The following LGALS9 variants were observed in gnomAD, a reference collection of about 807,000 sequenced individuals.
LGALS9 encodes galectin-9.
LGALS9 carries 26 observed loss-of-function variants against 35.9 expected under a neutral mutation model. The ratio of observed to expected loss-of-function variants is 0.72; its 90% CI spans 0.53 to 1.01. The LOEUF (loss-of-function observed/expected upper bound fraction) is 1.01, where lower values mean the gene tolerates loss of function less well. Among genes scored for constraint, LGALS9 ranks in the 50% least tolerant of loss-of-function variants. The pLI, the probability that LGALS9 is intolerant of heterozygous loss-of-function variation, is 0.00. For missense variants in LGALS9, 347 were observed against 445.8 expected, an observed-to-expected ratio of 0.78 and a Z score of 1.99; for synonymous variants, 149 against 172.2, an observed-to-expected ratio of 0.87 and a Z score of 1.06.
chr17:27,640,542 C>T (rs775329600), intron 2 of LGALS9, 30 bp from the exon 3 acceptor site: 16 of 1,613,628 alleles, frequency 9.9e-6, no homozygotes, highest in Middle Eastern at 1.7e-4. Context: ...ATCCATGCCA[C>T]AGAAGACTAT....
intron 2 of LGALS9, among the ~76,000 whole-genome samples, chr17:27,639,801 A>G (rs561877818): frequency 6.6e-5 from 10 of 152,248 alleles, no homozygotes; most frequent in African/African-American, 1.2e-4. Flanking sequence ...CTGTGGCGCT[A>G]TCTGGGCTCA....
intron 7 of LGALS9, 131 bp from the exon 8 acceptor site, chr17:27,646,416 G>A (rs544768090): frequency 3.4e-5 from 47 of 1,401,592 alleles, no homozygotes; most frequent in Non-Finnish European, 4.0e-5. Flanking sequence ...GTAGACGGGC[G>A]AGTCCAAGGG....
intron 6 of LGALS9, 76 bp from the exon 7 acceptor site, chr17:27,645,785 C>A: frequency 8.1e-7 from 1 of 1,233,454 alleles, no homozygotes; most frequent in Non-Finnish European, 1.2e-6. Flanking sequence ...GGGTGCCTGC[C>A]GTGTGGCGCC....
chr17:27,640,717 T>C lies in LGALS9; in HGVS notation c.277T>C (p.Phe93Leu), dbSNP rs1904408358. The change falls in exon 3 of 11, where the codon TTC (phenylalanine) becomes CTC (leucine). Residue 93 changes from phenylalanine to leucine, a missense_variant. Phe to Leu is a conservative substitution (Grantham distance 22). Coordinates refer to ENST00000395473, the MANE Select transcript of LGALS9 (RefSeq NM_009587.3). ...GPEERKTHMPFQKGMPFDLCF... is the reference protein window; with the variant it reads ...GPEERKTHMPLQKGMPFDLCF... ...CGAGGAGAGGAAGACACACATGCCT[T>C]TCCAGAAGGGGATGCCCTTTGACCT... 1 of 1,614,068 alleles carries C rather than the reference T, an allele frequency of 6.2e-7. No individual in the cohort carries two copies. Among genetic ancestry groups the C allele is most frequent in the South Asian group, 1.1e-5 (1 of 91,088 alleles).
chr17:27,645,206 C>A, intron 5 of LGALS9, 108 bp from the exon 6 acceptor site: 1 of 1,589,188 alleles, frequency 6.3e-7, no homozygotes, highest in South Asian at 1.1e-5. Flanking sequence ...TGGGTGTGTC[C>A]GGGGAGGCAT....
chr17:27,643,286 C>T (rs1904655612), intron 4 of LGALS9, among the ~76,000 whole-genome samples: 2 of 152,152 alleles, frequency 1.3e-5, no homozygotes, highest in South Asian at 4.1e-4. Flanking sequence ...CTCATTCCCT[C>T]CTTCCCTGAC....
intron 5 of LGALS9, chr17:27,644,047 G>A: frequency 6.0e-6 from 1 of 166,570 alleles, no homozygotes; most frequent in Non-Finnish European, 1.3e-5. Context: ...CAGGGTATAT[G>A]AATTCCTCCC....
chr17:27,648,771 G>A, intron 10 of LGALS9, 65 bp from the exon 11 acceptor site: 1 of 1,609,392 alleles, frequency 6.2e-7, no homozygotes, highest in Non-Finnish European at 8.5e-7. Context: ...GGGAGGGAGA[G>A]AGGAGGCTGC....
rs371057747 is a variant in LGALS9 at position 27,648,985 on chromosome 17, G to C, written c.*3G>C. Reference sequence around the variant, plus strand: ...AGCTGACCCATGTGCAGACATAGGCGGCTTCCTGGCCCTGGGGCCGGGGGC... The same window carrying C: ...AGCTGACCCATGTGCAGACATAGGCCGCTTCCTGGCCCTGGGGCCGGGGGC... On this transcript the variant is annotated 3_prime_UTR_variant, in exon 11 of 11. Coordinates refer to ENST00000395473, the MANE Select transcript of LGALS9 (RefSeq NM_009587.3). The C allele has an allele frequency of 1.2e-6, 2 of 1,613,832 alleles. No individual in the cohort carries two copies. Among genetic ancestry groups the C allele is most frequent in the Non-Finnish European group, 1.7e-6 (2 of 1,179,872 alleles).
chr17:27,646,437 A>G, intron 7 of LGALS9, 110 bp from the exon 8 acceptor site: 1 of 1,546,460 alleles, frequency 6.5e-7, no homozygotes, highest in Non-Finnish European at 8.9e-7. Flanking sequence ...CCAAAGGCTC[A>G]CGAGGTCAGC....
chr17:27,639,239 C>T (rs1324673076), intron 2 of LGALS9, among the ~76,000 whole-genome samples: 9 of 152,164 alleles, frequency 5.9e-5, no homozygotes, highest in Non-Finnish European at 1.3e-4. Flanking sequence ...ACTGCGGTGC[C>T]CTCAGGAGAT....
intron 10 of LGALS9, 152 bp from the exon 11 acceptor site, chr17:27,648,684 G>C (rs1397459706): frequency 2.3e-6 from 3 of 1,304,358 alleles, no homozygotes; most frequent in Middle Eastern, 2.6e-4. Flanking sequence ...AGCCTGTTTA[G>C]TGAAGAGCCG....
chr17:27,648,753 G>C, intron 10 of LGALS9, 83 bp from the exon 11 acceptor site: 2 of 1,601,516 alleles, frequency 1.2e-6, no homozygotes, highest in Non-Finnish European at 8.5e-7. Context: ...GAGGGAGGGA[G>C]GGTGGGAGGG....
At chr17:27,640,422 A>G (rs1904375386) in intron 2 of LGALS9, 150 bp from the exon 3 acceptor site, 67 of 1,206,324 alleles carry the variant, frequency 5.6e-5, no homozygotes, top group Non-Finnish European at 7.6e-5. Context: ...CCAATTAGAA[A>G]AACAAAAACG....
chr17:27,647,299 A>C lies in LGALS9; in HGVS notation c.788A>C (p.His263Pro), dbSNP rs761775100. ...CACATCAACCTGTGCTCTGGGAACC[A>C]CATCGCCTTCCACCTGAACCCCCGT... is the stretch of plus-strand genomic sequence containing the variant. ...RFHINLCSGN[H>P]IAFHLNPRFD... The change falls in exon 10 of 11, where the codon CAC (histidine) becomes CCC (proline). Residue 263 changes from histidine to proline, a missense_variant. His to Pro is a moderately conservative substitution (Grantham distance 77). Coordinates refer to ENST00000395473, the MANE Select transcript of LGALS9 (RefSeq NM_009587.3). 1.2e-6 allele frequency: 2 copies of C among 1,614,148 alleles called. No homozygotes were observed. The highest frequency in any genetic ancestry group is 1.1e-5 in the South Asian group (1 of 91,080).
rs778479727 is a variant in LGALS9, at chr17:27,645,322, C to T, written c.549C>T (p.Gly183=). ...TCTCCTCACCCCTCCAGCCTCCCGG[C>T]GTGTGGCCTGCCAACCCGGCTCCCA... ...RPRGRRQKPP[G]VWPANPAPIT... The change falls in exon 6 of 11, where the codon GGC becomes GGT. Residue 183 remains glycine, a synonymous_variant. Coordinates refer to ENST00000395473, the MANE Select transcript of LGALS9 (RefSeq NM_009587.3). 47 of 1,613,692 alleles carry T rather than the reference C, an allele frequency of 2.9e-5. No individual in the cohort carries two copies. In the East Asian group the frequency reaches 8.5e-4, roughly 29 times the overall value.
chr17:27,644,622 C>T (rs1360829005), intron 5 of LGALS9: 3 of 152,466 alleles, frequency 2.0e-5, no homozygotes, highest in South Asian at 2.1e-4. Flanking sequence ...GGAGGAGGGG[C>T]GCTTTGTCTA....
chr17:27,637,174 G>A (rs1012637740), intron 1 of LGALS9, among the ~76,000 whole-genome samples: 2 of 152,154 alleles, frequency 1.3e-5, no homozygotes, highest in Non-Finnish European at 2.9e-5. Flanking sequence ...AGCATTTTGG[G>A]AATAAACTTT....
At position 27,649,104 on chromosome 17, in the gene LGALS9, C is replaced by T. The variant is rs1905139448; in HGVS notation, c.*122C>T. On this transcript the variant is annotated 3_prime_UTR_variant, in exon 11 of 11. Transcript: ENST00000395473. ...TGGGATCTGGGCTTTAATGCAGAGG[C>T]CATGTCCTTGTCTGGTCCTGCTTCT... 2 of 1,478,572 alleles carry T rather than the reference C, an allele frequency of 1.4e-6. No homozygotes were observed. The highest frequency in any genetic ancestry group is 1.8e-5 in the Admixed American group (1 of 54,164). 91.6% of individuals were successfully genotyped at this position (1,478,572 alleles called of 1,614,324 possible). A position where few individuals can be genotyped will look rare whatever the true frequency, so the allele number is the denominator to read the frequency against.
Sources: allele counts gnomAD v4.1 joint callset (sites outside exome capture counted in the v4.1 genomes callset), GRCh38; gene constraint gnomAD v4.1.1; transcripts MANE v1.5; gene names NCBI Gene and HGNC (gene_info 2026-07-23, HGNC 2026-07-21).